Variants in SRGAP2C observed in about 807,000 individuals in gnomAD.
SRGAP2C encodes the protein SLIT-ROBO Rho GTPase-activating protein 2C.
SRGAP2C carries 15 observed loss-of-function variants against 25.1 expected under a neutral mutation model. That is an observed-to-expected ratio of 0.60 (90% CI 0.40 to 0.92). SRGAP2C has a LOEUF of 0.92. Among genes scored for constraint, SRGAP2C ranks in the 40% least tolerant of loss-of-function variants. SRGAP2C has a pLI of 0.00. For missense variants in SRGAP2C, 144 were observed against 264.4 expected, an observed-to-expected ratio of 0.54 and a Z score of 3.16; for synonymous variants, 44 against 96.6, an observed-to-expected ratio of 0.46 and a Z score of 3.19.
chr1:121,320,415 TA>T (rs1658175964), intron 3 of SRGAP2C, among the ~76,000 whole-genome samples: 2 of 105,188 alleles, frequency 1.9e-5, no homozygotes, highest in South Asian at 8.1e-4. Context: ...GCTGGTTTTT[TA>T]AGCATAGACT....
At chr1:121,314,522 T>C (rs1281393243) in intron 3 of SRGAP2C, among the ~76,000 whole-genome samples, 2 of 152,064 alleles carry the variant, frequency 1.3e-5, no homozygotes, top group African/African-American at 4.8e-5. Flanking sequence ...GAGTTTCCAG[T>C]TTTTCTGTTC....
chr1:121,374,760 T>G, intron 6 of SRGAP2C, 66 bp from the exon 7 acceptor site: 2 of 732,970 alleles, frequency 2.7e-6, no homozygotes, highest in Non-Finnish European at 5.1e-6. Flanking sequence ...ACTGTACTTT[T>G]ATCTTTTAGA....
chr1:121,367,071 C>T (rs1385442765), intron 5 of SRGAP2C, among the ~76,000 whole-genome samples: 1 of 151,446 alleles, frequency 6.6e-6, no homozygotes, highest in African/African-American at 2.4e-5. Context: ...CAATATTGGC[C>T]AACTACTTTA....
chr1:121,189,896 T>A (rs1460772214), intron 2 of SRGAP2C, among the ~76,000 whole-genome samples: 2 of 136,332 alleles, frequency 1.5e-5, no homozygotes, highest in African/African-American at 5.7e-5. Context: ...CACCTTCCAT[T>A]CACCATATAA....
Position 121,314,780 on chromosome 1 carries a change from C to A in SRGAP2C, c.261-9698C>A, listed in dbSNP as rs1456740024. On this transcript the variant is annotated intron_variant, in intron 3 of 9. Coordinates refer to ENST00000367123, the MANE Select transcript of SRGAP2C (RefSeq NM_001329984.2). ...GACCCACTTGAGGAGGCAGTCTGCC[C>A]GTTCTCAGATCTCCAGCTGCCTGCT... Among the ~76,000 whole-genome samples the A allele has an allele frequency of 3.2e-3, 485 of 151,726 alleles. 5 individuals are homozygous for A. Among genetic ancestry groups the A allele is most frequent in the African/African-American group, 0.011 (452 of 41,228 alleles).
In SRGAP2C at chr1:121,221,716, A is replaced by G. The variant is rs1268397719; in HGVS notation, c.67+34203A>G. ...ACAGAGTGAGACAACGTCTCAAAAA[A>G]AAAAAAAAAAAAAAAACATTGACTG... On this transcript the variant is annotated intron_variant, in intron 2 of 9. Transcript: ENST00000367123. 1.6e-4 allele frequency among the ~76,000 whole-genome samples: 18 copies of G among 109,274 alleles called. 1 individual carries two copies. Among genetic ancestry groups the G allele is most frequent in the Admixed American group, 9.1e-5 (1 of 10,934 alleles). 71.7% of individuals were successfully genotyped at this position (109,274 alleles called of 152,430 possible).
At chr1:121,285,481 T>TATTTTTAACC (rs1231081492) in intron 3 of SRGAP2C, among the ~76,000 whole-genome samples, 1 of 149,860 alleles carries the variant, frequency 6.7e-6, no homozygotes, top group African/African-American at 2.5e-5. Flanking sequence ...GCAGGGTCTA[T>TATTTTTAACC]ATTTTTAACC....
chr1:121,221,727 A>AAC (rs1655528009), intron 2 of SRGAP2C, among the ~76,000 whole-genome samples: 1 of 122,050 alleles, frequency 8.2e-6, no homozygotes, highest in African/African-American at 3.4e-5. Flanking sequence ...AAAAAAAAAA[A>AAC]AAAAACATTG....
At chr1:121,202,305 G>T (rs1339793790) in intron 2 of SRGAP2C, among the ~76,000 whole-genome samples, 1 of 152,126 alleles carries the variant, frequency 6.6e-6, no homozygotes, top group Non-Finnish European at 1.5e-5. Flanking sequence ...AGCTACTGGA[G>T]TCTTCTTCTT....
At chr1:121,362,737 G>A (rs1254938416) in intron 4 of SRGAP2C, 3 of 149,098 alleles carry the variant, frequency 2.0e-5, no homozygotes, top group African/African-American at 7.4e-5. Context: ...AGTGAGTCAT[G>A]TTGCCTCACT....
intron 2 of SRGAP2C, among the ~76,000 whole-genome samples, chr1:121,281,192 C>A (rs1336441812): frequency 6.6e-6 from 1 of 151,458 alleles, no homozygotes; most frequent in Non-Finnish European, 1.5e-5. Flanking sequence ...ACATTTTTCC[C>A]TGGATAGAAC....
chr1:121,206,437 A>T (rs1330285979), intron 2 of SRGAP2C, among the ~76,000 whole-genome samples: 1 of 152,246 alleles, frequency 6.6e-6, no homozygotes, highest in Non-Finnish European at 1.5e-5. Context: ...AAGATCAGCC[A>T]GAGTCTGGCT....
intron 4 of SRGAP2C, among the ~76,000 whole-genome samples, chr1:121,350,592 TAACTC>T (rs1395962816): frequency 1.8e-4 from 27 of 151,518 alleles, no homozygotes; most frequent in South Asian, 1.7e-3. Context: ...TAAAAAAAAA[TAACTC>T]AAAATGGATC....
At chr1:121,254,791 TG>T (rs1656419627) in intron 2 of SRGAP2C, among the ~76,000 whole-genome samples, 1 of 150,616 alleles carries the variant, frequency 6.6e-6, no homozygotes, top group Admixed American at 6.7e-5. Context: ...CCAACAAGAG[TG>T]GTTGCTGGGA....
chr1:121,308,714 A>C (rs1284484476), intron 3 of SRGAP2C, among the ~76,000 whole-genome samples: 1 of 151,200 alleles, frequency 6.6e-6, no homozygotes, highest in African/African-American at 2.4e-5. Flanking sequence ...CAATGTGGAC[A>C]GATCACCTGA....
At chr1:121,282,551 T>C (rs1402076790) in intron 2 of SRGAP2C, among the ~76,000 whole-genome samples, 4 of 151,354 alleles carry the variant, frequency 2.6e-5, no homozygotes, top group Admixed American at 2.0e-4. Flanking sequence ...AACGCCTTGG[T>C]TCTTTTTTTT....
At chr1:121,232,738 G>A (rs1416537018) in intron 2 of SRGAP2C, among the ~76,000 whole-genome samples, 1 of 152,182 alleles carries the variant, frequency 6.6e-6, no homozygotes, top group Non-Finnish European at 1.5e-5. Flanking sequence ...TGGGTTAAGG[G>A]AAGTTCAAGT....
intron 3 of SRGAP2C, among the ~76,000 whole-genome samples, chr1:121,322,048 T>A (rs1354143013): frequency 6.7e-6 from 1 of 149,366 alleles, no homozygotes; most frequent in Non-Finnish European, 1.5e-5. Context: ...CTTGTTCATT[T>A]AAGATACAAA....
intron 3 of SRGAP2C, among the ~76,000 whole-genome samples, chr1:121,299,467 G>T (rs1657657462): frequency 1.2e-5 from 1 of 86,694 alleles, no homozygotes; most frequent in Admixed American, 1.2e-4. Flanking sequence ...TTGCTCCTTG[G>T]GTTTTAAATT....
Sources: allele counts gnomAD v4.1 joint callset (sites outside exome capture counted in the v4.1 genomes callset), GRCh38; gene constraint gnomAD v4.1.1; transcripts MANE v1.5; gene names NCBI Gene and HGNC (gene_info 2026-07-23, HGNC 2026-07-21).